The following SPOCK1 variants were observed in gnomAD, a reference collection of about 807,000 sequenced individuals.
The protein encoded by SPOCK1 is testican-1.
In SPOCK1, 23 loss-of-function variants were observed where a neutral mutation model predicts 55.3. That is an observed-to-expected ratio of 0.42 (90% CI 0.30 to 0.59). SPOCK1 has a LOEUF of 0.59. SPOCK1 is among the 20% of genes least tolerant of loss of function. SPOCK1 has a pLI of 0.22. For missense variants in SPOCK1, 499 were observed against 552.5 expected, an observed-to-expected ratio of 0.90 and a Z score of 0.97; for synonymous variants, 226 against 221.0, an observed-to-expected ratio of 1.02 and a Z score of -0.20.
intron 2 of SPOCK1, among the ~76,000 whole-genome samples, chr5:137,350,915 A>G (rs914917489): frequency 3.9e-5 from 6 of 152,070 alleles, no homozygotes; most frequent in Admixed American, 6.6e-5. Context: ...AAGGGACATG[A>G]GTTTCTATTT....
chr5:137,173,083 G>C (rs1221695917), intron 3 of SPOCK1, among the ~76,000 whole-genome samples: 1 of 152,124 alleles, frequency 6.6e-6, no homozygotes, highest in African/African-American at 2.4e-5. Flanking sequence ...TGGGAATGCA[G>C]CTTCCATGAT....
intron 9 of SPOCK1, 50 bp from the exon 10 acceptor site, chr5:136,979,519 CG>C (rs1677562791): frequency 6.3e-7 from 1 of 1,596,754 alleles, no homozygotes; most frequent in African/African-American, 1.3e-5. Context: ...AGATGATACT[CG>C]GGGTTAATGC....
intron 3 of SPOCK1, among the ~76,000 whole-genome samples, chr5:137,191,882 C>G (rs538538638): frequency 6.6e-6 from 1 of 152,264 alleles, no homozygotes; most frequent in East Asian, 1.9e-4. Context: ...ACCATCTGTC[C>G]TTGCGGAAAA....
intron 7 of SPOCK1, among the ~76,000 whole-genome samples, chr5:136,991,256 A>G (rs1325194362): frequency 1.3e-5 from 2 of 152,008 alleles, no homozygotes; most frequent in Non-Finnish European, 2.9e-5. Flanking sequence ...CAGGGGAAAA[A>G]AAATCTTATT....
chr5:137,326,861 T>C (rs1019982505), intron 2 of SPOCK1, among the ~76,000 whole-genome samples: 20 of 152,354 alleles, frequency 1.3e-4, no homozygotes, highest in African/African-American at 4.6e-4. Context: ...TTTATGCCCA[T>C]TGTGAAAAAT....
chr5:137,421,865 G>A lies in SPOCK1; in HGVS notation c.186+76508C>T, dbSNP rs529121742. Among the ~76,000 whole-genome samples, 77 of 152,276 alleles carry A rather than the reference G, an allele frequency of 5.1e-4. 1 individual carries two copies. The highest frequency in any genetic ancestry group is 1.7e-3 in the African/African-American group (71 of 41,550). On this transcript the variant is annotated intron_variant, in intron 2 of 10. Transcript: ENST00000394945. ...ATGATGTTAGCTGGTTATTTTGCTCGTTAGTTGATGCAGTTTCTTCCCAGC... is the reference window on the plus strand; with the variant it reads ...ATGATGTTAGCTGGTTATTTTGCTCATTAGTTGATGCAGTTTCTTCCCAGC...
At chr5:137,409,963 G>A (rs1341901261) in intron 2 of SPOCK1, among the ~76,000 whole-genome samples, 1 of 152,202 alleles carries the variant, frequency 6.6e-6, no homozygotes, top group Admixed American at 6.5e-5. Context: ...GTACTGTGGT[G>A]GTGGGAAGGA....
At chr5:137,407,451 G>A (rs1322199677) in intron 2 of SPOCK1, among the ~76,000 whole-genome samples, 1 of 152,152 alleles carries the variant, frequency 6.6e-6, no homozygotes, top group African/African-American at 2.4e-5. Flanking sequence ...TCACTCACCA[G>A]CTTGGTGTAC....
intron 3 of SPOCK1, among the ~76,000 whole-genome samples, chr5:137,217,364 T>G (rs1227233563): frequency 6.6e-6 from 1 of 152,132 alleles, no homozygotes; most frequent in South Asian, 2.1e-4. Flanking sequence ...GAGACAGAGT[T>G]CAAGAATGTG....
chr5:137,087,577 C>A (rs560852005), intron 5 of SPOCK1, among the ~76,000 whole-genome samples: 39 of 152,350 alleles, frequency 2.6e-4, no homozygotes, highest in Admixed American at 2.1e-3. Context: ...CAACCTGGGG[C>A]CTCTGCATGG....
chr5:137,356,797 TAATA>T lies in SPOCK1; in HGVS notation c.187-89746_187-89743del, dbSNP rs1419099649. On this transcript the variant is annotated intron_variant, in intron 2 of 10. Coordinates refer to ENST00000394945, the MANE Select transcript of SPOCK1 (RefSeq NM_004598.4). ...TAGAGCAAGACTGTCTCAAAAAAAA[TAATA>T]TATATATATATATATATATATATAT... Among the ~76,000 whole-genome samples, 60 of 24,348 alleles carry T rather than the reference TAATA, an allele frequency of 2.5e-3. 4 individuals carry two copies. The highest frequency in any genetic ancestry group is 0.011 in the East Asian group (9 of 794). The allele number at this position is 24,348 out of a possible 152,430, so 16.0% of individuals were successfully genotyped here.
chr5:137,435,666 G>T (rs540017422), intron 2 of SPOCK1, among the ~76,000 whole-genome samples: 1 of 151,960 alleles, frequency 6.6e-6, no homozygotes, highest in Non-Finnish European at 1.5e-5. Context: ...GATTTTTTTC[G>T]TGTTTATTAG....
At chr5:137,411,935 AC>A (rs1407837191) in intron 2 of SPOCK1, among the ~76,000 whole-genome samples, 2 of 152,222 alleles carry the variant, frequency 1.3e-5, no homozygotes, top group Non-Finnish European at 2.9e-5. Flanking sequence ...GCCCTCACCT[AC>A]GCAGTAAAGA....
chr5:137,315,456 C>G (rs13184082), intron 2 of SPOCK1, among the ~76,000 whole-genome samples: 19,960 of 152,214 alleles, frequency 0.13, 1,461 homozygotes, highest in East Asian at 0.26. Flanking sequence ...CACAACCCCC[C>G]CACCATCTCC....
intron 9 of SPOCK1, among the ~76,000 whole-genome samples, chr5:136,983,869 A>T (rs1750784962): frequency 6.6e-6 from 1 of 152,214 alleles, no homozygotes; most frequent in African/African-American, 2.4e-5. Flanking sequence ...TTTAACAGAA[A>T]GGTAGGCATT....
At chr5:137,374,409 G>A (rs1751267682) in intron 2 of SPOCK1, among the ~76,000 whole-genome samples, 1 of 152,230 alleles carries the variant, frequency 6.6e-6, no homozygotes, top group Non-Finnish European at 1.5e-5. Context: ...AGCTCTAGGA[G>A]GTCCAGTTCC....
At chr5:137,108,128 A>G (rs889153546) in intron 5 of SPOCK1, among the ~76,000 whole-genome samples, 1 of 152,192 alleles carries the variant, frequency 6.6e-6, no homozygotes, top group Non-Finnish European at 1.5e-5. Context: ...CTAATTGAGC[A>G]TCTACTGGTG....
intron 6 of SPOCK1, among the ~76,000 whole-genome samples, chr5:137,025,920 G>A (rs902086811): frequency 1.3e-5 from 2 of 152,202 alleles, no homozygotes; most frequent in Non-Finnish European, 2.9e-5. Context: ...AGTCAAGGCA[G>A]CTAGGGAGGT....
At chr5:137,069,788 A>T (rs1312973545) in intron 5 of SPOCK1, among the ~76,000 whole-genome samples, 1 of 152,244 alleles carries the variant, frequency 6.6e-6, no homozygotes, top group Non-Finnish European at 1.5e-5. Context: ...TATTAAAAGA[A>T]TCCTTAAAGC....
Sources: allele counts gnomAD v4.1 joint callset (sites outside exome capture counted in the v4.1 genomes callset), GRCh38; gene constraint gnomAD v4.1.1; transcripts MANE v1.5; gene names NCBI Gene and HGNC (gene_info 2026-07-23, HGNC 2026-07-21).